The following NFE2L2 variants were observed in gnomAD, a reference collection of about 807,000 sequenced individuals.
NFE2L2 encodes nuclear factor erythroid 2-related factor 2.
NFE2L2 carries 20 observed loss-of-function variants against 49.6 expected under a neutral mutation model. The observed-to-expected ratio is 0.40, with a 90% confidence interval of 0.28 to 0.59. NFE2L2 has a LOEUF of 0.59. NFE2L2 is among the 20% of genes least tolerant of loss of function. NFE2L2 has a pLI of 0.40. For synonymous variants in NFE2L2, 244 were observed against 256.5 expected (o/e 0.95, Z 0.47); for missense variants, 578 against 714.2 (o/e 0.81, Z 2.17).
chr2:177,230,724 A>G lies in NFE2L2; in HGVS notation c.*61T>C, dbSNP rs1689510512. On this transcript the variant is annotated 3_prime_UTR_variant, in exon 5 of 5. Transcript: ENST00000397062. ...AAGTATGAGCATTTCACATCACAGTAGGAGCTTTTAGTATAATAGTACAAA... is the reference window on the plus strand; with the variant it reads ...AAGTATGAGCATTTCACATCACAGTGGGAGCTTTTAGTATAATAGTACAAA... 4 of 1,496,232 alleles carry G rather than the reference A, an allele frequency of 2.7e-6. No individual in the cohort carries two copies. The highest frequency in any genetic ancestry group is 2.7e-6 in the Non-Finnish European group (3 of 1,123,610). 92.7% of individuals were successfully genotyped at this position (1,496,232 alleles called of 1,614,324 possible).
chr2:177,231,776 G>C lies in NFE2L2; in HGVS notation c.827C>G (p.Thr276Arg), dbSNP rs1181990251. The C allele has an allele frequency of 6.2e-7, 1 of 1,614,228 alleles. No homozygotes were observed. Among genetic ancestry groups the C allele is most frequent in the Non-Finnish European group, 8.5e-7 (1 of 1,180,032 alleles). Residue 276 changes from threonine (T) to arginine (R), a missense_variant, in exon 5 of 5, where the codon ACA becomes AGA. Coordinates refer to ENST00000397062, the MANE Select transcript of NFE2L2 (RefSeq NM_006164.5). ...TTCATCACCAAAATCTGTGTTGACT[G>C]TGGCATCTGAATTTAATGAGTTCAC... The part of the protein sequence containing the change: ...LTVNSLNSDA[T>R]VNTDFGDEFY...
intron 1 of NFE2L2, among the ~76,000 whole-genome samples, chr2:177,258,542 C>G (rs1401565207): frequency 1.3e-5 from 2 of 152,078 alleles, no homozygotes; most frequent in African/African-American, 4.8e-5. Flanking sequence ...TATGAATAAA[C>G]TACTAAATTC....
intron 1 of NFE2L2, among the ~76,000 whole-genome samples, chr2:177,237,908 G>C (rs1481931158): frequency 6.6e-6 from 1 of 152,194 alleles, no homozygotes; most frequent in East Asian, 1.9e-4. Context: ...TAGACTTTCT[G>C]CAAACTGGAG....
intron 3 of NFE2L2, chr2:177,232,846 A>G (rs1253577938): frequency 3.9e-6 from 2 of 510,934 alleles, no homozygotes; most frequent in Admixed American, 6.8e-5. Context: ...TTTAGTTTAT[A>G]TAATATCTAG....
At chr2:177,235,149 G>T (rs1159759067) in intron 1 of NFE2L2, among the ~76,000 whole-genome samples, 1 of 151,678 alleles carries the variant, frequency 6.6e-6, no homozygotes, top group Non-Finnish European at 1.5e-5. Flanking sequence ...GACAGGGACA[G>T]GTGCGGTGGC....
At chr2:177,264,035 G>T in intron 1 of NFE2L2, 2 of 827,230 alleles carry the variant, frequency 2.4e-6, no homozygotes, top group Non-Finnish European at 1.5e-6. Flanking sequence ...CCGGGTCCCA[G>T]CCCGAAGGCG....
chr2:177,244,738 G>A (rs1005922313), intron 1 of NFE2L2, among the ~76,000 whole-genome samples: 7 of 152,190 alleles, frequency 4.6e-5, no homozygotes, highest in African/African-American at 1.4e-4. Context: ...TGGGTGCGGT[G>A]GCACACGCCT....
At chr2:177,232,889 A>C in intron 3 of NFE2L2, 1 of 461,378 alleles carries the variant, frequency 2.2e-6, no homozygotes, top group Middle Eastern at 5.6e-4. Context: ...GATTTATTAA[A>C]ATTGTTAACT....
intron 1 of NFE2L2, among the ~76,000 whole-genome samples, chr2:177,257,051 T>G (rs1422637114): frequency 6.6e-6 from 1 of 152,240 alleles, no homozygotes; most frequent in Non-Finnish European, 1.5e-5. Flanking sequence ...CCAAAAGCCA[T>G]TCAGGTAAAT....
At chr2:177,253,008 T>G (rs1416685007) in intron 1 of NFE2L2, among the ~76,000 whole-genome samples, 1 of 152,206 alleles carries the variant, frequency 6.6e-6, no homozygotes, top group Non-Finnish European at 1.5e-5. Context: ...CTTGAAACAG[T>G]GCACATGAGC....
chr2:177,263,987 C>T, intron 1 of NFE2L2: 1 of 978,732 alleles, frequency 1.0e-6, no homozygotes, highest in Non-Finnish European at 1.2e-6. Flanking sequence ...GCGTCGCAGC[C>T]CGCACTCAAG....
chr2:177,248,382 G>A (rs1690209047), intron 1 of NFE2L2, among the ~76,000 whole-genome samples: 1 of 152,150 alleles, frequency 6.6e-6, no homozygotes, highest in African/African-American at 2.4e-5. Flanking sequence ...ATTGTTATGA[G>A]AAAATTGCCC....
intron 1 of NFE2L2, among the ~76,000 whole-genome samples, chr2:177,241,343 T>C (rs1042799446): frequency 6.6e-5 from 10 of 152,236 alleles, no homozygotes; most frequent in African/African-American, 1.2e-4. Context: ...TATATTTTTC[T>C]TTCTTTCATT....
chr2:177,235,198 GGT>G (rs1285660032), intron 1 of NFE2L2, among the ~76,000 whole-genome samples: 4 of 152,110 alleles, frequency 2.6e-5, no homozygotes, highest in African/African-American at 9.7e-5. Flanking sequence ...GGCTGAGGCA[GGT>G]GGATTGCTTG....
In NFE2L2 at chr2:177,234,736, CAAGTT is replaced by C. The variant is rs564379814; in HGVS notation, c.46-470_46-466del. ...ATCCAGTTTATAGAGGGATAACTCT[CAAGTT>C]AAAGTGTCAATCTAGCAGTTGTGAA... On this transcript the variant is annotated intron_variant, in intron 1 of 4. Transcript: ENST00000397062. Among the ~76,000 whole-genome samples, 950 of 152,324 alleles carry C rather than the reference CAAGTT, an allele frequency of 6.2e-3. 2 individuals carry two copies. The highest frequency in any genetic ancestry group is 0.01 in the Middle Eastern group (3 of 292).
chr2:177,243,877 G>T (rs1343508402), intron 1 of NFE2L2, among the ~76,000 whole-genome samples: 1 of 152,044 alleles, frequency 6.6e-6, no homozygotes, highest in Non-Finnish European at 1.5e-5. Context: ...TCCAGGCTTG[G>T]GGGCTAAGTA....
intron 1 of NFE2L2, chr2:177,264,225 C>T (rs1242710022): frequency 3.1e-6 from 1 of 326,112 alleles, no homozygotes; most frequent in Non-Finnish European, 5.6e-6. Flanking sequence ...TCCCAGCTCT[C>T]GGGCCCGGGG....
At chr2:177,251,423 A>C (rs1392974663) in intron 1 of NFE2L2, among the ~76,000 whole-genome samples, 2 of 152,186 alleles carry the variant, frequency 1.3e-5, no homozygotes, top group Non-Finnish European at 2.9e-5. Context: ...AAATGCTGCC[A>C]CAAGTGAAGG....
intron 1 of NFE2L2, among the ~76,000 whole-genome samples, chr2:177,244,338 G>A (rs1690049607): frequency 6.6e-6 from 1 of 152,072 alleles, no homozygotes; most frequent in African/African-American, 2.4e-5. Context: ...TAGAATGGTG[G>A]TGGTTATAAA....
Sources: allele counts gnomAD v4.1 joint callset (sites outside exome capture counted in the v4.1 genomes callset), GRCh38; gene constraint gnomAD v4.1.1; transcripts MANE v1.5; gene names NCBI Gene and HGNC (gene_info 2026-07-23, HGNC 2026-07-21).